ACBD4: variants seen among roughly 807,000 people sequenced by gnomAD.
ACBD4 encodes acyl-CoA binding domain containing 4.
A neutral mutation model predicts 46.0 loss-of-function variants in ACBD4; 41 were observed. The observed-to-expected ratio is 0.89, with a 90% CI of 0.69 to 1.16. ACBD4 has a LOEUF of 1.16. ACBD4 is among the 50% of genes most tolerant of loss of function. The pLI is 0.00. For missense variants in ACBD4, 393 were observed against 399.5 expected (o/e 0.98, Z 0.14); for synonymous variants, 162 against 155.9 (o/e 1.04, Z -0.29).
upstream of ACBD4, chr17:45,132,227 C>CCCCTT: frequency 7.9e-7 from 1 of 1,260,262 alleles, no homozygotes; most frequent in Non-Finnish European, 1.0e-6. The surrounding 1 kb of genome is among the most constrained non-coding windows in gnomAD (Gnocchi z 4.6). Context: ...CCCACCCCAC[C>CCCCTT]GCCCCTTGCC....
At chr17:45,133,527 T>C (rs1253348845), upstream of ACBD4, among the ~76,000 whole-genome samples, 2,162 of 119,380 alleles carry the variant, frequency 0.018, 104 homozygotes, top group East Asian at 0.11. Flanking sequence ...TTTCTTTTTT[T>C]TTTTTTTTTT....
chr17:45,142,542 G>GCCACA (rs2055353716), intron 9 of ACBD4: 1 of 281,002 alleles, frequency 3.6e-6, no homozygotes, highest in African/African-American at 2.4e-5. Flanking sequence ...ATTCCCAGGA[G>GCCACA]CCACAGTAAT....
In ACBD4 at chr17:45,143,764, C is replaced by T. The variant is rs1222999923; in HGVS notation, c.*193C>T. On this transcript the variant is annotated 3_prime_UTR_variant, in exon 10 of 10. Coordinates refer to ENST00000321854, the MANE Select transcript of ACBD4 (RefSeq NM_001135705.3). ...GCAGCTTCACAGGGACGCTTCCTTC[C>T]CTCCCCGCAACCACCCCAGGCTCCC... The T allele has an allele frequency of 2.1e-6, 2 of 937,644 alleles. No individual in the cohort carries two copies. The highest frequency in any genetic ancestry group is 1.7e-5 in the African/African-American group (1 of 60,108). The allele number at this position is 937,644 out of a possible 1,614,324, so 58.1% of individuals were successfully genotyped here.
upstream of ACBD4, chr17:45,132,253 T>C: frequency 7.8e-7 from 1 of 1,274,864 alleles, no homozygotes; most frequent in Non-Finnish European, 9.9e-7. This position sits in a 1 kb window ranked among gnomAD's most constrained non-coding sequence, Gnocchi z 4.6. Flanking sequence ...CTGACCCATC[T>C]TCTTCAGCGC....
intron 6 of ACBD4, 116 bp from the exon 7 acceptor site, chr17:45,137,644 A>C: frequency 1.5e-6 from 2 of 1,372,574 alleles, no homozygotes; most frequent in Non-Finnish European, 2.1e-6. Flanking sequence ...AGGTGTTGAT[A>C]TCTCTAGTGC....
Position 45,137,932 on chromosome 17 carries a change from C to A in ACBD4, c.593C>A (p.Ala198Glu). ...CAGCAGGTTTGGACAGAGCAGCGGG[C>A]AGCATCTGGAGGAAAGCGTGATCCC... ...EPELVWTEQRAASGGKRDPRN... is the reference protein window; with the variant it reads ...EPELVWTEQREASGGKRDPRN... Residue 198 changes from alanine to glutamate, a missense_variant, in exon 8 of 10, where the codon GCA becomes GAA. Transcript: ENST00000321854. 2 of 1,613,934 alleles carry A rather than the reference C, an allele frequency of 1.2e-6. No individual in the cohort carries two copies. Among genetic ancestry groups the A allele is most frequent in the Non-Finnish European group, 1.7e-6 (2 of 1,180,006 alleles).
At chr17:45,140,751 G>A (rs998541638) in intron 9 of ACBD4, among the ~76,000 whole-genome samples, 8 of 151,936 alleles carry the variant, frequency 5.3e-5, no homozygotes, top group African/African-American at 1.5e-4. Flanking sequence ...GGTGGCTCAC[G>A]CCTGTAATCC....
chr17:45,137,453 A>G lies in ACBD4; in HGVS notation c.501A>G (p.Pro167=). 1 of 1,613,316 alleles carries G rather than the reference A, an allele frequency of 6.2e-7. No homozygotes were observed. The highest frequency in any genetic ancestry group is 8.5e-7 in the Non-Finnish European group (1 of 1,179,634). The part of the protein sequence containing the change: ...CLPKEPAPPS[P]ESHSPRDLDS... ...CCAAGGAACCGGCACCCCCAAGCCC[A>G]GGTTAGTGCTTGAGCAGGAGGGGTG... The change falls in exon 6 of 10, where the codon CCA becomes CCG. Residue 167 remains proline (P), a splice_region_variant and synonymous_variant. Transcript: ENST00000321854.
At position 45,143,806 on chromosome 17, in the gene ACBD4, G is replaced by C; in HGVS notation, c.*235G>C. On this transcript the variant is annotated 3_prime_UTR_variant, in exon 10 of 10. Transcript: ENST00000321854. The stretch of plus-strand genomic sequence containing the variant: ...CAGGCTCCCCTGGGAGGCTGCAGTT[G>C]TGGTACACGTCCCCGGTGCTGGGTT... 1 of 651,046 alleles carries C rather than the reference G, an allele frequency of 1.5e-6. No individual in the cohort carries two copies. The highest frequency in any genetic ancestry group is 2.0e-5 in the South Asian group (1 of 49,628). 40.3% of individuals were successfully genotyped at this position (651,046 alleles called of 1,614,324 possible).
chr17:45,139,096 A>G lies in ACBD4; in HGVS notation c.725A>G (p.Glu242Gly), dbSNP rs1237396530. Residue 242 changes from glutamate to glycine, a missense_variant, in exon 9 of 10, where the codon GAG becomes GGG. This residue lies in a region of ACBD4 where 308 missense variants were observed against 301.8 expected (regional missense o/e 1.02). Transcript: ENST00000321854. ...CTGGGGACAGTTCGAGCACTACAGG[A>G]GAGCATGCAGGAGGTGCAGGCGAGG... ...WLLGTVRALQ[E>G]SMQEVQARVQ... 1 of 1,613,918 alleles carries G rather than the reference A, an allele frequency of 6.2e-7. No homozygotes were observed. Among genetic ancestry groups the G allele is most frequent in the Non-Finnish European group, 8.5e-7 (1 of 1,180,024 alleles).
intron 9 of ACBD4, among the ~76,000 whole-genome samples, chr17:45,140,499 A>C (rs2055203092): frequency 7.0e-6 from 1 of 142,618 alleles, no homozygotes; most frequent in African/African-American, 2.5e-5. Context: ...TTTTTTTCCT[A>C]CCATTTACTA....
At chr17:45,133,520 CTTTTTTTTT>C (rs10569248), upstream of ACBD4, among the ~76,000 whole-genome samples, 9 of 73,846 alleles carry the variant, frequency 1.2e-4, no homozygotes, top group East Asian at 6.8e-4. Flanking sequence ...CCTGAATTTT[CTTTTTTTTT>C]TTTTTTTTTT....
rs748218699 is a variant in ACBD4, at chr17:45,143,597, C to G, written c.*26C>G. On this transcript the variant is annotated 3_prime_UTR_variant, in exon 10 of 10. Coordinates refer to ENST00000321854, the MANE Select transcript of ACBD4 (RefSeq NM_001135705.3). ...CTGTCAGTGGAGGGGTCTCTGCAGC[C>G]AACTGAGACTATCTTGCTGTGCCCT... The G allele has an allele frequency of 1.6e-5, 26 of 1,614,032 alleles. No individual in the cohort carries two copies. Among genetic ancestry groups the G allele is most frequent in the Non-Finnish European group, 2.1e-5 (25 of 1,180,012 alleles).
intron 7 of ACBD4, 32 bp from the exon 8 acceptor site, chr17:45,137,881 C>T: frequency 1.2e-6 from 2 of 1,611,846 alleles, no homozygotes; most frequent in Middle Eastern, 1.7e-4. Context: ...TGCTCCCACT[C>T]CCACCCTCAG....
At chr17:45,133,530 T>C (rs1011272289), upstream of ACBD4, among the ~76,000 whole-genome samples, 6 of 124,048 alleles carry the variant, frequency 4.8e-5, no homozygotes, top group Admixed American at 1.6e-4. Context: ...CTTTTTTTTT[T>C]TTTTTTTTTT....
chr17:45,142,243 A>C (rs1261528341), intron 9 of ACBD4, among the ~76,000 whole-genome samples: 1 of 151,722 alleles, frequency 6.6e-6, no homozygotes, highest in African/African-American at 2.4e-5. Context: ...AAATACAAAA[A>C]TTAGCTAGGC....
At chr17:45,140,269 C>T (rs534075666) in intron 9 of ACBD4, among the ~76,000 whole-genome samples, 3 of 151,488 alleles carry the variant, frequency 2.0e-5, no homozygotes, top group East Asian at 3.9e-4. Context: ...CTGCAACCTC[C>T]GCCTCCCGGG....
intron 9 of ACBD4, among the ~76,000 whole-genome samples, chr17:45,140,298 C>T (rs555414843): frequency 6.6e-6 from 1 of 151,562 alleles, no homozygotes; most frequent in East Asian, 1.9e-4. Flanking sequence ...ATTCTCCTGC[C>T]TCAGCCTCCG....
chr17:45,133,662 G>A (rs1028016937), upstream of ACBD4, among the ~76,000 whole-genome samples: 3 of 147,786 alleles, frequency 2.0e-5, no homozygotes, highest in Non-Finnish European at 3.0e-5. Flanking sequence ...CTCCCAAGTA[G>A]CTGGGACTAC....
Sources: gnomAD v4.1 joint callset for allele counts (sites outside exome capture counted in the v4.1 genomes callset) on GRCh38, gnomAD v4.1.1 for gene constraint, gnomAD v4.1.1 regional missense constraint, Gnocchi (gnomAD v3.1) non-coding constraint, MANE v1.5 for transcripts, NCBI Gene and HGNC (gene_info 2026-07-23, HGNC 2026-07-21) for gene names.